Variants in LSAMP observed in about 807,000 individuals in gnomAD.
The protein encoded by LSAMP is limbic system-associated membrane protein.
LSAMP carries 7 observed loss-of-function variants against 38.6 expected under a neutral mutation model. That is an observed-to-expected ratio of 0.18 (90% CI 0.10 to 0.34). LSAMP has a LOEUF of 0.34. Among genes scored for constraint, LSAMP ranks in the 10% least tolerant of loss-of-function variants. The probability of loss-of-function intolerance (pLI) is 1.00; values close to 1 mark genes in which losing one functional copy is unlikely to be tolerated. For missense variants in LSAMP, 313 were observed against 420.0 expected (o/e 0.75, Z 2.23); for synonymous variants, 154 against 166.8 (o/e 0.92, Z 0.59).
rs66654115 is a variant in LSAMP at position 115,818,790 on chromosome 3, T to TTATATATATA, written c.920-8386_920-8377dup. Among the ~76,000 whole-genome samples the TTATATATATA allele has an allele frequency of 5.1e-3, 355 of 69,702 alleles. 13 individuals are homozygous for TTATATATATA. Among genetic ancestry groups the TTATATATATA allele is most frequent in the East Asian group, 7.9e-3 (8 of 1,008 alleles). The allele number at this position is 69,702 out of a possible 152,430, so 45.7% of individuals were successfully genotyped here. A position where few individuals can be genotyped will look rare whatever the true frequency, so the allele number is the denominator to read the frequency against. On this transcript the variant is annotated intron_variant, in intron 6 of 6. Transcript: ENST00000490035. The stretch of plus-strand genomic sequence containing the variant: ...ATAAGAAAGAAGGAAAGTTGTACTT[T>TTATATATATA]TATATATATATATATATATATATAT...
chr3:115,835,860 T>G (rs1194611928), intron 6 of LSAMP, among the ~76,000 whole-genome samples: 1 of 152,180 alleles, frequency 6.6e-6, no homozygotes, highest in African/African-American at 2.4e-5. Context: ...CAATTGTGTG[T>G]TAGTTACACA....
intron 4 of LSAMP, among the ~76,000 whole-genome samples, chr3:115,843,412 C>T (rs1197633442): frequency 6.6e-6 from 1 of 152,194 alleles, no homozygotes; most frequent in African/African-American, 2.4e-5. Flanking sequence ...GTCCACTTGA[C>T]TTTGTTAGGA....
chr3:115,887,483 T>A (rs1936485438), intron 3 of LSAMP, among the ~76,000 whole-genome samples: 1 of 151,940 alleles, frequency 6.6e-6, no homozygotes, highest in Non-Finnish European at 1.5e-5. Flanking sequence ...CGTTTAATAA[T>A]TTATTTGACT....
chr3:116,101,362 T>C (rs963286748), intron 1 of LSAMP, among the ~76,000 whole-genome samples: 4 of 152,246 alleles, frequency 2.6e-5, no homozygotes, highest in African/African-American at 9.6e-5. Context: ...ATATCTATGA[T>C]ACATCTACGT....
chr3:115,831,261 G>A (rs1435802574), intron 6 of LSAMP, among the ~76,000 whole-genome samples: 1 of 152,166 alleles, frequency 6.6e-6, no homozygotes, highest in Non-Finnish European at 1.5e-5. Context: ...TAAATAATCA[G>A]ATGGGAGGCA....
intron 1 of LSAMP, among the ~76,000 whole-genome samples, chr3:116,109,237 G>A (rs1449492140): frequency 1.3e-5 from 2 of 152,174 alleles, no homozygotes; most frequent in African/African-American, 4.8e-5. Context: ...TGCTGGGCAG[G>A]TGGGGGAGGG....
At chr3:116,296,694 C>CAAA (rs10659032) in intron 1 of LSAMP, among the ~76,000 whole-genome samples, 9 of 59,716 alleles carry the variant, frequency 1.5e-4, no homozygotes, top group African/African-American at 3.3e-4. Flanking sequence ...GACTCTGTCT[C>CAAA]AAAAAAAAAA....
chr3:116,199,588 C>A (rs1039253065), intron 1 of LSAMP, among the ~76,000 whole-genome samples: 3 of 151,818 alleles, frequency 2.0e-5, no homozygotes, highest in Non-Finnish European at 4.4e-5. Context: ...AATGAGTGAG[C>A]AAATAAATGA....
chr3:115,999,295 A>G (rs1242436387), intron 3 of LSAMP, among the ~76,000 whole-genome samples: 1 of 152,180 alleles, frequency 6.6e-6, no homozygotes, highest in Non-Finnish European at 1.5e-5. Context: ...AAAGCTGAAT[A>G]TCAGTGTTCC....
At chr3:116,131,771 T>G (rs1709139770) in intron 1 of LSAMP, among the ~76,000 whole-genome samples, 1 of 151,822 alleles carries the variant, frequency 6.6e-6, no homozygotes, top group African/African-American at 2.4e-5. Context: ...CAACCCACAG[T>G]GTCAAACAGA....
intron 2 of LSAMP, among the ~76,000 whole-genome samples, chr3:116,043,167 T>C (rs1054503305): frequency 4.6e-5 from 7 of 152,142 alleles, no homozygotes; most frequent in Non-Finnish European, 1.0e-4. Flanking sequence ...AAATTGATGG[T>C]TTTACTTATT....
chr3:115,974,952 T>C (rs1939137952), intron 3 of LSAMP, among the ~76,000 whole-genome samples: 1 of 152,098 alleles, frequency 6.6e-6, no homozygotes, highest in African/African-American at 2.4e-5. Flanking sequence ...GTTCAGTCAG[T>C]TGAGGGCTTA....
At chr3:116,223,316 C>T (rs1278277315) in intron 1 of LSAMP, among the ~76,000 whole-genome samples, 3 of 152,212 alleles carry the variant, frequency 2.0e-5, no homozygotes, top group East Asian at 3.9e-4. Context: ...GTATTTAGTT[C>T]CTTATCAAAT....
chr3:116,375,386 C>G (rs1187516083), intron 1 of LSAMP, among the ~76,000 whole-genome samples: 1 of 151,708 alleles, frequency 6.6e-6, no homozygotes, highest in African/African-American at 2.4e-5. Context: ...AAATGTATTA[C>G]TAGTCATATT....
chr3:116,332,566 A>G (rs904410685), intron 1 of LSAMP, among the ~76,000 whole-genome samples: 3 of 152,204 alleles, frequency 2.0e-5, no homozygotes, highest in African/African-American at 7.2e-5. Context: ...AGAATAATGC[A>G]GAAAATGAGG....
At chr3:116,209,048 C>T (rs942680896) in intron 1 of LSAMP, among the ~76,000 whole-genome samples, 17 of 152,256 alleles carry the variant, frequency 1.1e-4, no homozygotes, top group South Asian at 2.1e-4. Flanking sequence ...TAGCAATCAG[C>T]GAGACTCCTT....
chr3:115,850,619 C>T (rs1413000400), intron 4 of LSAMP, among the ~76,000 whole-genome samples: 2 of 152,174 alleles, frequency 1.3e-5, no homozygotes, highest in Admixed American at 6.5e-5. Context: ...CATTTCAAAA[C>T]TCTATTACTA....
intron 1 of LSAMP, among the ~76,000 whole-genome samples, chr3:116,100,042 A>G (rs1461333492): frequency 7.5e-6 from 1 of 133,180 alleles, no homozygotes. Context: ...ACTCTAATTC[A>G]TCTATAAATT....
At chr3:115,880,082 C>T (rs1011359082) in intron 3 of LSAMP, among the ~76,000 whole-genome samples, 5 of 152,106 alleles carry the variant, frequency 3.3e-5, no homozygotes, top group African/African-American at 4.8e-5. Flanking sequence ...ATTCCAAGGA[C>T]AAACTCTAAT....
Sources: allele counts gnomAD v4.1 joint callset (sites outside exome capture counted in the v4.1 genomes callset), GRCh38; gene constraint gnomAD v4.1.1; transcripts MANE v1.5; gene names NCBI Gene and HGNC (gene_info 2026-07-23, HGNC 2026-07-21).